Variants in KCNQ4 observed in about 807,000 individuals in gnomAD.
KCNQ4 encodes the protein potassium voltage-gated channel subfamily KQT member 4.
KCNQ4 carries 31 observed loss-of-function variants against 72.6 expected under a neutral mutation model. That is an observed-to-expected ratio of 0.43 (90% CI 0.32 to 0.58). The LOEUF is 0.58. Among genes scored for constraint, KCNQ4 ranks in the 20% least tolerant of loss-of-function variants. The probability of loss-of-function intolerance (pLI) is 0.08; values close to 1 mark genes in which losing one functional copy is unlikely to be tolerated. For missense variants in KCNQ4, 869 were observed against 962.6 expected (o/e 0.90, Z 1.29); for synonymous variants, 405 against 403.7 (o/e 1.00, Z -0.04).
chr1:40,796,442 T>A (rs1352695327), intron 1 of KCNQ4, among the ~76,000 whole-genome samples: 1 of 152,304 alleles, frequency 6.6e-6, no homozygotes, highest in East Asian at 1.9e-4. Context: ...TGCCTACTTT[T>A]CAGATGAGGA....
chr1:40,826,945 T>C (rs1371454051), intron 9 of KCNQ4, among the ~76,000 whole-genome samples: 1 of 152,246 alleles, frequency 6.6e-6, no homozygotes, highest in Non-Finnish European at 1.5e-5. Flanking sequence ...ATGCCCTCTG[T>C]GATCTTGGCC....
In KCNQ4 at chr1:40,820,350, C is replaced by T. The variant is rs182621806; in HGVS notation, c.1041+90C>T. Reference sequence around the variant, plus strand: ...TGTGTGCTGACCCATGTCCCCAGCCCAACTGTGACACCACTTTGAAGCTCA... The same window carrying T: ...TGTGTGCTGACCCATGTCCCCAGCCTAACTGTGACACCACTTTGAAGCTCA... On this transcript the variant is annotated intron_variant, in intron 7 of 13. Coordinates refer to ENST00000347132, the MANE Select transcript of KCNQ4 (RefSeq NM_004700.4). 645 of 1,071,294 alleles carry T rather than the reference C, an allele frequency of 6.0e-4. 1 individual carries two copies. Among genetic ancestry groups the T allele is most frequent in the Non-Finnish European group, 8.3e-4 (590 of 709,084 alleles). 66.4% of individuals were successfully genotyped at this position (1,071,294 alleles called of 1,614,324 possible).
chr1:40,831,681 T>A (rs1317353836), intron 10 of KCNQ4, among the ~76,000 whole-genome samples: 1 of 152,214 alleles, frequency 6.6e-6, no homozygotes, highest in Non-Finnish European at 1.5e-5. Context: ...CTAGGATTAT[T>A]GTGAGGATTA....
At position 40,839,432 on chromosome 1, in the gene KCNQ4, C is replaced by G. The variant is rs1317154533; in HGVS notation, c.*909C>G. 1.3e-5 allele frequency: 2 copies of G among 152,288 alleles called. No individual in the cohort carries two copies. The highest frequency in any genetic ancestry group is 3.9e-4 in the East Asian group (2 of 5,186). 9.4% of individuals were successfully genotyped at this position (152,288 alleles called of 1,614,324 possible). On this transcript the variant is annotated 3_prime_UTR_variant, in exon 14 of 14. Coordinates refer to ENST00000347132, the MANE Select transcript of KCNQ4 (RefSeq NM_004700.4). ...GTTTCTCCAGACAGGAAGAAAGCCT[C>G]TCACACTTAAACATGCAATGACGTG... is the stretch of plus-strand genomic sequence containing the variant.
intron 8 of KCNQ4, among the ~76,000 whole-genome samples, 156 bp from the exon 9 acceptor site, chr1:40,823,941 C>T (rs1229195191): frequency 6.6e-6 from 1 of 152,240 alleles, no homozygotes; most frequent in Non-Finnish European, 1.5e-5. Flanking sequence ...AGGCCAGTCT[C>T]CCACTGTCCA....
Position 40,831,411 on chromosome 1 carries a change from A to G in KCNQ4, c.1513+107A>G, listed in dbSNP as rs185960881. 553 of 887,862 alleles carry G rather than the reference A, an allele frequency of 6.2e-4. 2 individuals are homozygous for G. In the African/African-American group the frequency reaches 8.5e-3, roughly 14 times the overall value. The allele number at this position is 887,862 out of a possible 1,614,324, so 55.0% of individuals were successfully genotyped here. On this transcript the variant is annotated intron_variant, in intron 10 of 13. Transcript: ENST00000347132. ...ATCTGGCTCGCGTCTCAGCTCTGGA[A>G]CTGATGGACCGTCTTTGGGCTCTGG...
Position 40,820,223 on chromosome 1 carries a change from T to TCGAGAAG in KCNQ4, c.1007_1013dup (p.Arg339GlufsTer34). On this transcript the variant is annotated frameshift_variant, in exon 7 of 14. Transcript: ENST00000347132. LOFTEE classifies it high-confidence loss of function. ...CAGGAGCAGCACCGGCAGAAGCACT[T>TCGAGAAG]CGAGAAGCGGAGGATGCCGGCAGCC... 1.2e-6 allele frequency: 2 copies of TCGAGAAG among 1,610,474 alleles called. No individual in the cohort carries two copies. Among genetic ancestry groups the TCGAGAAG allele is most frequent in the Non-Finnish European group, 1.7e-6 (2 of 1,178,510 alleles).
Position 40,784,254 on chromosome 1 carries a change from C to G in KCNQ4, c.161C>G (p.Pro54Arg). 1.4e-6 allele frequency: 2 copies of G among 1,388,222 alleles called. No homozygotes were observed. The highest frequency in any genetic ancestry group is 3.1e-5 in the East Asian group (1 of 32,272). 86.0% of individuals were successfully genotyped at this position (1,388,222 alleles called of 1,614,324 possible). A position where few individuals can be genotyped will look rare whatever the true frequency, so the allele number is the denominator to read the frequency against. The change falls in exon 1 of 14, where the codon CCG (proline) becomes CGG (arginine). Residue 54 changes from proline to arginine, a missense_variant. Around this residue, in one of 5 missense-constraint regions of KCNQ4, gnomAD observed 178 missense variants for 145.3 expected, o/e 1.22. Coordinates refer to ENST00000347132, the MANE Select transcript of KCNQ4 (RefSeq NM_004700.4). The surrounding 1 kb of genome is among the most constrained non-coding windows in gnomAD (Gnocchi z 4.1). ...RLGLLGSPLP[P>R]GAPLPGPGSG... ...GGCCTCCTGGGCAGCCCCCTGCCGC[C>G]GGGCGCGCCCCTCCCTGGGCCGGGC...
chr1:40,806,220 G>A (rs1043490173), intron 1 of KCNQ4, among the ~76,000 whole-genome samples: 3 of 152,210 alleles, frequency 2.0e-5, no homozygotes, highest in Admixed American at 2.0e-4. Context: ...GTGGAACCGA[G>A]GGAAGGTTTC....
At chr1:40,819,511 G>A (rs1394564890) in intron 5 of KCNQ4, 39 bp downstream of exon 5, 9 of 1,611,572 alleles carry the variant, frequency 5.6e-6, no homozygotes, top group Non-Finnish European at 7.6e-6. Context: ...TTCTCCCTGG[G>A]ATCCTCCCTG....
At chr1:40,795,967 C>T (rs138496957) in intron 1 of KCNQ4, among the ~76,000 whole-genome samples, 1 of 152,318 alleles carries the variant, frequency 6.6e-6, no homozygotes, top group East Asian at 1.9e-4. Flanking sequence ...TAGGTCCTAT[C>T]ATTATCCCCA....
intron 5 of KCNQ4, 22 bp downstream of exon 5, chr1:40,819,494 G>A (rs1351472889): frequency 6.2e-7 from 1 of 1,613,170 alleles, no homozygotes; most frequent in Non-Finnish European, 8.5e-7. Context: ...TCTTTGTAGG[G>A]CTGCCCTTCT....
chr1:40,793,829 C>T (rs1342260316), intron 1 of KCNQ4, among the ~76,000 whole-genome samples: 2 of 152,200 alleles, frequency 1.3e-5, no homozygotes, highest in African/African-American at 4.8e-5. Context: ...TGAGCACCAC[C>T]TCTTCTTGGA....
chr1:40,784,102 G>A lies in KCNQ4; in HGVS notation c.9G>A (p.Glu3=). Reference sequence around the variant, plus strand: ...CCAGCCCGGCGCCGCCCATGGCCGAGGCCCCCCCGCGCCGCCTCGGCCTGG... The same window carrying A: ...CCAGCCCGGCGCCGCCCATGGCCGAAGCCCCCCCGCGCCGCCTCGGCCTGG... MA[E]APPRRLGLGP... is the part of the protein sequence containing the mutation. The change falls in exon 1 of 14, where the codon GAG becomes GAA. Residue 3 remains glutamate (E), a synonymous_variant. Transcript: ENST00000347132. The surrounding 1 kb of genome is among the most constrained non-coding windows in gnomAD (Gnocchi z 4.1). The A allele has an allele frequency of 2.1e-6, 1 of 482,936 alleles. No individual in the cohort carries two copies. The highest frequency in any genetic ancestry group is 1.1e-3 in the Middle Eastern group (1 of 938). The allele number at this position is 482,936 out of a possible 1,614,324, so 29.9% of individuals were successfully genotyped here. A position where few individuals can be genotyped will look rare whatever the true frequency, so the allele number is the denominator to read the frequency against.
At chr1:40,802,369 T>C (rs1647605496) in intron 1 of KCNQ4, among the ~76,000 whole-genome samples, 2 of 152,170 alleles carry the variant, frequency 1.3e-5, no homozygotes, top group South Asian at 4.1e-4. Flanking sequence ...GCGTTTTCAA[T>C]TGTTAATTTG....
chr1:40,833,211 C>T (rs1427570904), intron 11 of KCNQ4, 98 bp downstream of exon 11: 1 of 817,982 alleles, frequency 1.2e-6, no homozygotes, highest in Non-Finnish European at 2.0e-6. Flanking sequence ...GAGTTTGAGA[C>T]CAGCCTGGCC....
In KCNQ4 at chr1:40,822,419, G is replaced by C; in HGVS notation, c.1130+17G>C. ...ATCCTTCAGGTAGGTCCTGCTGGGG[G>C]TGGGGGTGGGTGGGGGGCTGGCAGC... On this transcript the variant is annotated intron_variant, in intron 8 of 13. Transcript: ENST00000347132. The C allele has an allele frequency of 7.1e-7, 1 of 1,415,228 alleles. No homozygotes were observed. The highest frequency in any genetic ancestry group is 9.9e-7 in the Non-Finnish European group (1 of 1,008,706). The allele number at this position is 1,415,228 out of a possible 1,614,324, so 87.7% of individuals were successfully genotyped here.
intron 1 of KCNQ4, among the ~76,000 whole-genome samples, chr1:40,793,914 C>T (rs1242410971): frequency 1.3e-5 from 2 of 152,146 alleles, no homozygotes; most frequent in African/African-American, 4.8e-5. Flanking sequence ...TTCACCCAGC[C>T]CTGTGCGTTT....
At chr1:40,801,941 A>C (rs530647901) in intron 1 of KCNQ4, among the ~76,000 whole-genome samples, 1 of 152,126 alleles carries the variant, frequency 6.6e-6, no homozygotes, top group South Asian at 2.1e-4. Context: ...GGTCCTGAGG[A>C]GGCGAGGGGA....
Sources: allele counts gnomAD v4.1 joint callset (sites outside exome capture counted in the v4.1 genomes callset), GRCh38; gene constraint gnomAD v4.1.1; regional missense constraint gnomAD v4.1.1; non-coding constraint Gnocchi (gnomAD v3.1); transcripts MANE v1.5; gene names NCBI Gene and HGNC (gene_info 2026-07-23, HGNC 2026-07-21).